EXOC2: variants seen among roughly 807,000 people sequenced by gnomAD.
The protein encoded by EXOC2 is SEC5-like 1.
In EXOC2, 70 loss-of-function variants were observed where a neutral mutation model predicts 131.8. The ratio of observed to expected loss-of-function variants is 0.53; its 90% confidence interval spans 0.44 to 0.65. The LOEUF is 0.65. Ranked by LOEUF, EXOC2 falls within the 30% of genes least tolerant of loss-of-function variation. The pLI is 0.00. For missense variants in EXOC2, 923 were observed against 1,108.6 expected (o/e 0.83, Z 2.38); for synonymous variants, 411 against 398.4 (o/e 1.03, Z -0.38).
chr6:658,645 T>TTTTTATA (rs1223267048), intron 1 of EXOC2, among the ~76,000 whole-genome samples: 1 of 118,348 alleles, frequency 8.4e-6, no homozygotes, highest in African/African-American at 3.1e-5. Context: ...TATATATATT[T>TTTTTATA]TATATATATA....
intron 25 of EXOC2, among the ~76,000 whole-genome samples, chr6:493,588 C>T (rs1486414585): frequency 1.3e-5 from 2 of 152,150 alleles, no homozygotes; most frequent in Non-Finnish European, 2.9e-5. Context: ...AAAAGATCTG[C>T]CAAAATCACC....
At chr6:576,069 A>G (rs577705842) in intron 12 of EXOC2, among the ~76,000 whole-genome samples, 2 of 152,362 alleles carry the variant, frequency 1.3e-5, no homozygotes, top group South Asian at 2.1e-4. Context: ...TAAGAATAAT[A>G]TAAGACATTT....
chr6:626,652 C>CCCGA (rs1475012665), intron 4 of EXOC2, among the ~76,000 whole-genome samples: 1 of 151,986 alleles, frequency 6.6e-6, no homozygotes, highest in African/African-American at 2.4e-5. Flanking sequence ...AGTGCAGTGA[C>CCCGA]CCGACCTCTG....
Position 561,925 on chromosome 6 carries a change from C to T in EXOC2, c.1851+859G>A, listed in dbSNP as rs560842887. 1.0e-3 allele frequency among the ~76,000 whole-genome samples: 156 copies of T among 152,274 alleles called. 1 individual carries two copies. Among genetic ancestry groups the T allele is most frequent in the African/African-American group, 3.5e-3 (147 of 41,550 alleles). ...AGGTAAGACAGAAAACAGGAGCAGC[C>T]ACGTGCTCTCCCGACCTCTGTTGCC... On this transcript the variant is annotated intron_variant, in intron 17 of 27. Coordinates refer to ENST00000230449, the MANE Select transcript of EXOC2 (RefSeq NM_018303.6).
chr6:562,647 T>A, intron 17 of EXOC2, 137 bp downstream of exon 17: 1 of 506,888 alleles, frequency 2.0e-6, no homozygotes, highest in Non-Finnish European at 3.3e-6. Context: ...AAAATGTCTC[T>A]GAGAAGAAAA....
Position 486,782 on chromosome 6 carries a change from T to G in EXOC2, c.2682-18A>C. 2 of 1,605,996 alleles carry G rather than the reference T, an allele frequency of 1.2e-6. No homozygotes were observed. The highest frequency in any genetic ancestry group is 1.7e-6 in the Non-Finnish European group (2 of 1,173,352). The stretch of plus-strand genomic sequence containing the variant: ...CCAGTAACCTGCAGGACGGAGACAC[T>G]TGTTTTACAGCCCGACAGATGGGGC... On this transcript the variant is annotated intron_variant, in intron 27 of 27. Coordinates refer to ENST00000230449, the MANE Select transcript of EXOC2 (RefSeq NM_018303.6).
intron 1 of EXOC2, among the ~76,000 whole-genome samples, chr6:682,369 T>G (rs980872568): frequency 6.6e-6 from 1 of 151,942 alleles, no homozygotes; most frequent in East Asian, 1.9e-4. Flanking sequence ...CCGGCTAATT[T>G]TTTTGTATTT....
intron 7 of EXOC2, among the ~76,000 whole-genome samples, chr6:603,325 A>C (rs1404439574): frequency 6.6e-6 from 1 of 152,236 alleles, no homozygotes; most frequent in Non-Finnish European, 1.5e-5. Flanking sequence ...CAATTTCAAC[A>C]GGCTAGAAAA....
At chr6:614,137 G>C (rs1393705045) in intron 6 of EXOC2, among the ~76,000 whole-genome samples, 1 of 152,042 alleles carries the variant, frequency 6.6e-6, no homozygotes, top group Non-Finnish European at 1.5e-5. Flanking sequence ...CTAAACTCTT[G>C]AAATGTTCTG....
chr6:503,360 C>T (rs1277475438), intron 23 of EXOC2, among the ~76,000 whole-genome samples: 1 of 152,100 alleles, frequency 6.6e-6, no homozygotes, highest in East Asian at 1.9e-4. Flanking sequence ...ATATGTAAGA[C>T]CCCAAAGTGC....
At chr6:592,993 G>A (rs910065295) in intron 10 of EXOC2, among the ~76,000 whole-genome samples, 1 of 152,138 alleles carries the variant, frequency 6.6e-6, no homozygotes, top group Non-Finnish European at 1.5e-5. Context: ...TCTCACCACT[G>A]TACTGCAGCC....
Position 637,717 on chromosome 6 carries a change from G to T in EXOC2, c.102C>A (p.Gly34=). Residue 34 remains glycine, a synonymous_variant, in exon 2 of 28, where the codon GGC becomes GGA. Transcript: ENST00000230449. The part of the protein sequence containing the change: ...VTIRGENLGT[G]PTDLIGLTIC... ...TGCCCTTACCTATGAGGTCGGTGGG[G>T]CCAGTCCCCAGATTTTCTCCCCTGA... 1 of 1,613,674 alleles carries T rather than the reference G, an allele frequency of 6.2e-7. No homozygotes were observed. The highest frequency in any genetic ancestry group is 8.5e-7 in the Non-Finnish European group (1 of 1,179,828).
intron 1 of EXOC2, among the ~76,000 whole-genome samples, chr6:665,994 T>C (rs1763629625): frequency 6.6e-6 from 1 of 152,218 alleles, no homozygotes; most frequent in Non-Finnish European, 1.5e-5. Flanking sequence ...TGCTACCTAT[T>C]CTTGTGAATA....
chr6:527,068 A>G (rs1405069550), intron 23 of EXOC2, among the ~76,000 whole-genome samples: 1 of 152,270 alleles, frequency 6.6e-6, no homozygotes, highest in Admixed American at 6.5e-5. Flanking sequence ...AAATGCATGT[A>G]TAAGGAATAT....
chr6:684,513 TTAAG>T (rs1340840073), intron 1 of EXOC2, among the ~76,000 whole-genome samples: 38 of 152,230 alleles, frequency 2.5e-4, no homozygotes, highest in African/African-American at 8.9e-4. Context: ...TACTGTACAC[TTAAG>T]TAAATACATT....
chr6:659,031 T>C (rs1041955027), intron 1 of EXOC2, among the ~76,000 whole-genome samples: 83 of 152,220 alleles, frequency 5.5e-4, no homozygotes, highest in African/African-American at 1.9e-3. Flanking sequence ...GTCAATGAAT[T>C]ATTCAGTTCT....
intron 23 of EXOC2, among the ~76,000 whole-genome samples, chr6:515,934 G>A (rs1381820294): frequency 6.6e-6 from 1 of 152,156 alleles, no homozygotes; most frequent in Non-Finnish European, 1.5e-5. Flanking sequence ...GTTCACCAGC[G>A]ACTAAACTAC....
chr6:497,940 A>G (rs1228643452), intron 24 of EXOC2, among the ~76,000 whole-genome samples: 1 of 152,184 alleles, frequency 6.6e-6, no homozygotes, highest in Non-Finnish European at 1.5e-5. Context: ...ATTGGAGAAC[A>G]AGCCCCCCCT....
chr6:565,662 C>T (rs1287427356), intron 13 of EXOC2, among the ~76,000 whole-genome samples: 2 of 152,118 alleles, frequency 1.3e-5, no homozygotes, highest in Non-Finnish European at 2.9e-5. Flanking sequence ...AAATAAAATT[C>T]TGACACTTCA....
Sources: gnomAD v4.1 joint callset for allele counts (sites outside exome capture counted in the v4.1 genomes callset) on GRCh38, gnomAD v4.1.1 for gene constraint, MANE v1.5 for transcripts, NCBI Gene and HGNC (gene_info 2026-07-23, HGNC 2026-07-21) for gene names.